Variants in GFRAL observed in about 807,000 individuals in gnomAD.
GFRAL encodes GDNF family receptor alpha-like.
A neutral mutation model predicts 45.4 loss-of-function variants in GFRAL; 36 were observed. That is an observed-to-expected ratio of 0.79 (90% CI 0.61 to 1.05). The LOEUF (loss-of-function observed/expected upper bound fraction) is 1.05, where lower values mean the gene tolerates loss of function less well. Ranked by LOEUF, GFRAL falls within the 50% of genes least tolerant of loss-of-function variation. The pLI is 0.00. For synonymous variants in GFRAL, 166 were observed against 154.1 expected, an observed-to-expected ratio of 1.08 and a Z score of -0.57; for missense variants, 507 against 467.5, an observed-to-expected ratio of 1.08 and a Z score of -0.78.
chr6:55,347,675 G>A (rs1306486148), intron 3 of GFRAL, among the ~76,000 whole-genome samples: 8 of 152,096 alleles, frequency 5.3e-5, no homozygotes, highest in Non-Finnish European at 5.9e-5. Context: ...TAATGATATC[G>A]TGGTATGATC....
chr6:55,343,871 C>G (rs1158919969), intron 3 of GFRAL, among the ~76,000 whole-genome samples: 2 of 151,994 alleles, frequency 1.3e-5, no homozygotes, highest in South Asian at 4.2e-4. Context: ...AGAAATACAT[C>G]CCACAGAAAT....
intron 6 of GFRAL, among the ~76,000 whole-genome samples, chr6:55,376,306 G>A (rs867968803): frequency 3.3e-5 from 5 of 151,964 alleles, no homozygotes; most frequent in Non-Finnish European, 5.9e-5. Flanking sequence ...CAAGAATATT[G>A]GCCTGAAGTT....
Position 55,333,801 on chromosome 6 carries a change from G to T in GFRAL, c.173G>T (p.Cys58Phe). Residue 58 changes from cysteine (C) to phenylalanine (F), a missense_variant, in exon 3 of 9, where the codon TGC becomes TTC. Coordinates refer to ENST00000340465, the MANE Select transcript of GFRAL (RefSeq NM_207410.2). ...TGATTGTGAGATCCAGGTGACCCCT[G>T]CAAGATGAGGAATTCATCATACTGT... ...ACNDSDPGDP[C>F]KMRNSSYCNL... 1 of 1,596,484 alleles carries T rather than the reference G, an allele frequency of 6.3e-7. No homozygotes were observed.
chr6:55,336,512 A>C (rs186082628), intron 3 of GFRAL, among the ~76,000 whole-genome samples: 1 of 152,288 alleles, frequency 6.6e-6, no homozygotes, highest in East Asian at 1.9e-4. Flanking sequence ...TACAAATGGT[A>C]ATTTATTTTA....
chr6:55,378,379 TA>T (rs1562061692), intron 6 of GFRAL, among the ~76,000 whole-genome samples: 1 of 152,042 alleles, frequency 6.6e-6, no homozygotes. Flanking sequence ...ATCAACCTGC[TA>T]AAATAAGATC....
Position 55,327,536 on chromosome 6 carries a change from C to A in GFRAL, c.-19C>A. ...GCATCTGCCTTTTTTTCCAGGTGAA[C>A]TGCCGTGAGTTGTCCAGCATGATAG... is the stretch of plus-strand genomic sequence containing the variant. On this transcript the variant is annotated 5_prime_UTR_variant, in exon 1 of 9. In the 5' UTR this introduces an upstream ATG that the reference lacks. Coordinates refer to ENST00000340465, the MANE Select transcript of GFRAL (RefSeq NM_207410.2). 1.2e-6 allele frequency: 2 copies of A among 1,611,922 alleles called. No individual in the cohort carries two copies. Among genetic ancestry groups the A allele is most frequent in the Non-Finnish European group, 1.7e-6 (2 of 1,178,734 alleles).
chr6:55,328,476 A>C (rs1036748174), intron 1 of GFRAL, among the ~76,000 whole-genome samples: 1 of 151,946 alleles, frequency 6.6e-6, no homozygotes, highest in African/African-American at 2.4e-5. Flanking sequence ...TCAAGGAAAC[A>C]AGTTAAGAAG....
intron 6 of GFRAL, among the ~76,000 whole-genome samples, chr6:55,381,891 C>T (rs1434077345): frequency 6.6e-6 from 1 of 151,854 alleles, no homozygotes; most frequent in Non-Finnish European, 1.5e-5. Context: ...CATAAATGCA[C>T]ATACATCACC....
chr6:55,340,554 T>C (rs145036256), intron 3 of GFRAL, among the ~76,000 whole-genome samples: 2,259 of 152,276 alleles, frequency 0.015, 24 homozygotes, highest in Middle Eastern at 0.037. Flanking sequence ...AGTTCCAAGA[T>C]GGCAGAATAG....
At chr6:55,400,840 A>C (rs569944554) in intron 8 of GFRAL, among the ~76,000 whole-genome samples, 39 of 152,250 alleles carry the variant, frequency 2.6e-4, no homozygotes, top group African/African-American at 9.4e-4. Flanking sequence ...TCCTGCCTAG[A>C]TATTCCATGA....
intron 6 of GFRAL, among the ~76,000 whole-genome samples, chr6:55,395,162 G>GAAAA (rs869161118): frequency 3.3e-4 from 41 of 125,140 alleles, no homozygotes; most frequent in Non-Finnish European, 4.1e-4. Flanking sequence ...TCAGCCTATG[G>GAAAA]AAAAAAAAAA....
At chr6:55,368,726 T>TG (rs1198506561) in intron 6 of GFRAL, among the ~76,000 whole-genome samples, 1 of 152,284 alleles carries the variant, frequency 6.6e-6, no homozygotes, top group East Asian at 1.9e-4. Flanking sequence ...CTGCCCCTGC[T>TG]GGGGGGTGCC....
At chr6:55,374,288 T>A (rs536756795) in intron 6 of GFRAL, among the ~76,000 whole-genome samples, 3 of 152,270 alleles carry the variant, frequency 2.0e-5, no homozygotes, top group Admixed American at 2.0e-4. Context: ...CTGGGTCAAA[T>A]GGTATCTCTG....
chr6:55,351,831 A>T (rs1189884534), intron 5 of GFRAL, among the ~76,000 whole-genome samples: 1 of 152,162 alleles, frequency 6.6e-6, no homozygotes, highest in East Asian at 1.9e-4. Context: ...ATGAAATAAT[A>T]TTATAAAAAT....
At chr6:55,352,019 G>A (rs1562053239) in intron 5 of GFRAL, among the ~76,000 whole-genome samples, 1 of 152,038 alleles carries the variant, frequency 6.6e-6, no homozygotes, top group Non-Finnish European at 1.5e-5. Flanking sequence ...AGATCAGGAG[G>A]AAGAAGGTAG....
intron 8 of GFRAL, among the ~76,000 whole-genome samples, chr6:55,399,749 T>C (rs1263725132): frequency 6.6e-6 from 1 of 152,154 alleles, no homozygotes; most frequent in Admixed American, 6.5e-5. Flanking sequence ...CAAATTGAAC[T>C]TTGCTGCATT....
intron 5 of GFRAL, among the ~76,000 whole-genome samples, chr6:55,353,128 TTGAG>T (rs1363135317): frequency 6.6e-6 from 1 of 151,806 alleles, no homozygotes; most frequent in Non-Finnish European, 1.5e-5. Flanking sequence ...AGAGAGTTAA[TTGAG>T]TGGGTGTGAA....
At chr6:55,380,965 C>G (rs1008482650) in intron 6 of GFRAL, among the ~76,000 whole-genome samples, 2 of 151,880 alleles carry the variant, frequency 1.3e-5, no homozygotes, top group Non-Finnish European at 2.9e-5. Flanking sequence ...TTAACAAGAC[C>G]AGGCTGCTAC....
intron 6 of GFRAL, among the ~76,000 whole-genome samples, chr6:55,370,409 G>A (rs1768435445): frequency 6.6e-6 from 1 of 151,440 alleles, no homozygotes; most frequent in African/African-American, 2.4e-5. Flanking sequence ...TGCCCCTTTA[G>A]TATCCTGAAA....
Sources: gnomAD v4.1 joint callset for allele counts (sites outside exome capture counted in the v4.1 genomes callset) on GRCh38, gnomAD v4.1.1 for gene constraint, MANE v1.5 for transcripts, NCBI Gene and HGNC (gene_info 2026-07-23, HGNC 2026-07-21) for gene names.